BCAS3: variants seen among roughly 807,000 people sequenced by gnomAD.
BCAS3 encodes BCAS4/BCAS3 fusion.
A neutral mutation model predicts 116.1 loss-of-function variants in BCAS3; 53 were observed. The observed-to-expected ratio is 0.46, with a 90% CI of 0.37 to 0.57. The LOEUF (loss-of-function observed/expected upper bound fraction) is 0.57. Ranked by LOEUF, BCAS3 falls within the 20% of genes least tolerant of loss-of-function variation. The pLI is 0.00. For missense variants in BCAS3, 917 were observed against 1,165.4 expected, an observed-to-expected ratio of 0.79 and a Z score of 3.10; for synonymous variants, 391 against 408.2, an observed-to-expected ratio of 0.96 and a Z score of 0.51.
rs2079499403 is a variant in BCAS3 at position 61,181,841 on chromosome 17, T to C, written c.2425+97277T>C. 6.6e-6 allele frequency among the ~76,000 whole-genome samples: 1 copy of C among 151,194 alleles called. No homozygotes were observed. Among genetic ancestry groups the C allele is most frequent in the Non-Finnish European group, 1.5e-5 (1 of 67,896 alleles). On this transcript the variant is annotated intron_variant, in intron 22 of 23. Transcript: ENST00000407086. This position sits in a 1 kb window ranked among gnomAD's most constrained non-coding sequence, Gnocchi z 5.0. ...GAAACTTTTTAGTTGCTTAATATTTTATTTCTAATACCAAAAGTCTTGCTT... is the reference window on the plus strand; with the variant it reads ...GAAACTTTTTAGTTGCTTAATATTTCATTTCTAATACCAAAAGTCTTGCTT...
intron 6 of BCAS3, among the ~76,000 whole-genome samples, chr17:60,763,787 G>T (rs2043798358): frequency 6.6e-6 from 1 of 152,206 alleles, no homozygotes; most frequent in Non-Finnish European, 1.5e-5. Context: ...GCTCCTCTCT[G>T]TACCTCTGGT....
chr17:61,257,797 A>C (rs957012878), intron 22 of BCAS3, among the ~76,000 whole-genome samples: 27 of 152,208 alleles, frequency 1.8e-4, no homozygotes, highest in African/African-American at 6.3e-4. Flanking sequence ...GTGAATGGTA[A>C]ACCAGCTCAA....
At position 61,366,038 on chromosome 17, in the gene BCAS3, G is replaced by A. The variant is rs1416362771; in HGVS notation, c.2426-2289G>A. ...CATGCTTGTAGTCCCAGCTACTCGG[G>A]AGGCTGAGACACGAGAATCGCCTGG... On this transcript the variant is annotated intron_variant, in intron 22 of 23. Transcript: ENST00000407086. The surrounding 1 kb of genome is among the most constrained non-coding windows in gnomAD (Gnocchi z 4.5). 2.0e-5 allele frequency among the ~76,000 whole-genome samples: 3 copies of A among 151,974 alleles called. No individual in the cohort carries two copies. Among genetic ancestry groups the A allele is most frequent in the Non-Finnish European group, 4.4e-5 (3 of 68,014 alleles).
intron 22 of BCAS3, among the ~76,000 whole-genome samples, chr17:61,158,669 A>G (rs2077998155): frequency 6.6e-6 from 1 of 152,186 alleles, no homozygotes; most frequent in South Asian, 2.1e-4. Flanking sequence ...ACTGATAATG[A>G]TATTTGCTTA....
In BCAS3 at chr17:61,161,168, G is replaced by C. The variant is rs992936503; in HGVS notation, c.2425+76604G>C. Among the ~76,000 whole-genome samples, 5 of 152,166 alleles carry C rather than the reference G, an allele frequency of 3.3e-5. No individual in the cohort carries two copies. The highest frequency in any genetic ancestry group is 1.2e-4 in the African/African-American group (5 of 41,426). Reference sequence around the variant, plus strand: ...CTTATAACCACATTAAAATGGAAAAGTTATTTCATTTTTAGTATACTGTAT... The same window carrying C: ...CTTATAACCACATTAAAATGGAAAACTTATTTCATTTTTAGTATACTGTAT... On this transcript the variant is annotated intron_variant, in intron 22 of 23. Transcript: ENST00000407086. This position sits in a 1 kb window ranked among gnomAD's most constrained non-coding sequence, Gnocchi z 4.8.
chr17:61,194,455 C>G (rs1468628227), intron 22 of BCAS3, among the ~76,000 whole-genome samples: 1 of 151,922 alleles, frequency 6.6e-6, no homozygotes, highest in African/African-American at 2.4e-5. Flanking sequence ...GATATACTAA[C>G]TAAGCCGGGC....
rs201739100 is a variant in BCAS3 at position 61,268,585 on chromosome 17, G to GTT, written c.2426-99735_2426-99734dup. On this transcript the variant is annotated intron_variant, in intron 22 of 23. Coordinates refer to ENST00000407086, the MANE Select transcript of BCAS3 (RefSeq NM_017679.5). ...GTAATTGTCTTTCTGGGTTTTTTTT[G>GTT]TTTTTTTTGTTTTTTGAGACACAGC... Among the ~76,000 whole-genome samples the GTT allele has an allele frequency of 1.1e-3, 165 of 150,188 alleles. 2 individuals carry two copies. The highest frequency in any genetic ancestry group is 3.9e-3 in the African/African-American group (159 of 40,516).
At position 61,046,069 on chromosome 17, in the gene BCAS3, AATATATATATATTTATATATATATATAAT is replaced by A. The variant is rs1568214860; in HGVS notation, c.2029+5190_2029+5218del. 1.4e-3 allele frequency among the ~76,000 whole-genome samples: 38 copies of A among 27,862 alleles called. 1 individual carries two copies. Among genetic ancestry groups the A allele is most frequent in the Non-Finnish European group, 1.8e-3 (36 of 19,542 alleles). 18.3% of individuals were successfully genotyped at this position (27,862 alleles called of 152,430 possible). A position where few individuals can be genotyped will look rare whatever the true frequency, so the allele number is the denominator to read the frequency against. On this transcript the variant is annotated intron_variant, in intron 19 of 23. Transcript: ENST00000407086. ...TATAATATATATATTATATATATATAATATATATATATTTATATATATATATAATATATATATATATAAAGTAAAATAAA... is the reference window on the plus strand; with the variant it reads ...TATAATATATATATTATATATATATAATATATATATATAAAGTAAAATAAA...
chr17:61,042,069 T>G (rs2067555606), intron 19 of BCAS3, among the ~76,000 whole-genome samples: 1 of 152,058 alleles, frequency 6.6e-6, no homozygotes, highest in Admixed American at 6.5e-5. Flanking sequence ...ACGGGTGATA[T>G]GTAAGTGGTT....
intron 6 of BCAS3, among the ~76,000 whole-genome samples, chr17:60,775,543 ATG>A (rs1034776013): frequency 1.3e-5 from 2 of 150,102 alleles, no homozygotes; most frequent in South Asian, 2.1e-4. Context: ...TGCAGTTTTT[ATG>A]TATATATAGG....
chr17:61,022,869 C>CG (rs1488194689), intron 16 of BCAS3, among the ~76,000 whole-genome samples: 2 of 151,762 alleles, frequency 1.3e-5, no homozygotes, highest in African/African-American at 2.4e-5. Context: ...TGAACTCCTA[C>CG]GCTCAGTCTT....
intron 22 of BCAS3, among the ~76,000 whole-genome samples, chr17:61,146,744 T>A (rs1427308843): frequency 2.0e-5 from 3 of 152,188 alleles, no homozygotes; most frequent in Non-Finnish European, 4.4e-5. Context: ...ACACAATCCA[T>A]TCAGAATGTA....
intron 12 of BCAS3, among the ~76,000 whole-genome samples, chr17:60,922,643 T>G (rs2059165652): frequency 6.6e-6 from 1 of 152,222 alleles, no homozygotes; most frequent in Non-Finnish European, 1.5e-5. Flanking sequence ...AACTGCAGAA[T>G]GCACATTATT....
intron 10 of BCAS3, among the ~76,000 whole-genome samples, chr17:60,896,229 G>A (rs78303602): frequency 0.031 from 4,658 of 152,326 alleles, 183 homozygotes; most frequent in East Asian, 0.092. Flanking sequence ...GGAGGCTAAG[G>A]CAAGAGAACC....
At chr17:61,110,034 G>T (rs923723495) in intron 22 of BCAS3, among the ~76,000 whole-genome samples, 1 of 152,136 alleles carries the variant, frequency 6.6e-6, no homozygotes, top group Admixed American at 6.5e-5. Context: ...GTCTAGAAGG[G>T]TTTCTTCTGA....
At chr17:60,726,910 T>G (rs2068738522) in intron 5 of BCAS3, among the ~76,000 whole-genome samples, 1 of 152,174 alleles carries the variant, frequency 6.6e-6, no homozygotes, top group South Asian at 2.1e-4. Context: ...ATACATTGTT[T>G]TAGGCATATT....
At chr17:61,329,123 T>G (rs1264666969) in intron 22 of BCAS3, among the ~76,000 whole-genome samples, 1 of 151,422 alleles carries the variant, frequency 6.6e-6, no homozygotes. Flanking sequence ...CTTGAACTCC[T>G]GACCTCAGGT....
At chr17:60,975,025 C>T (rs1469620473) in intron 14 of BCAS3, among the ~76,000 whole-genome samples, 6 of 145,538 alleles carry the variant, frequency 4.1e-5, no homozygotes, top group African/African-American at 1.1e-4. Flanking sequence ...GACGGAGTCT[C>T]GCTCTGTCGC....
chr17:61,027,000 C>T lies in BCAS3; in HGVS notation c.1638-7666C>T, dbSNP rs184403894. The stretch of plus-strand genomic sequence containing the variant: ...TGTAGTTTTGTTTCCAGTTGCATGG[C>T]CTGATCACAGATAGATGCACCAAGT... On this transcript the variant is annotated intron_variant, in intron 16 of 23. Coordinates refer to ENST00000407086, the MANE Select transcript of BCAS3 (RefSeq NM_017679.5). This position sits in a 1 kb window ranked among gnomAD's most constrained non-coding sequence, Gnocchi z 5.0. 7 of 1,165,474 alleles carry T rather than the reference C, an allele frequency of 6.0e-6. No individual in the cohort carries two copies. The African/African-American group carries it at 7.7e-5, about 13-fold the overall frequency. 72.2% of individuals were successfully genotyped at this position (1,165,474 alleles called of 1,614,324 possible). A position where few individuals can be genotyped will look rare whatever the true frequency, so the allele number is the denominator to read the frequency against.
Sources: allele counts gnomAD v4.1 joint callset (sites outside exome capture counted in the v4.1 genomes callset), GRCh38; gene constraint gnomAD v4.1.1; non-coding constraint Gnocchi (gnomAD v3.1); transcripts MANE v1.5; gene names NCBI Gene and HGNC (gene_info 2026-07-23, HGNC 2026-07-21).